The following HPSE2 variants were observed in gnomAD, a reference collection of about 807,000 sequenced individuals.
HPSE2 encodes inactive heparanase-2.
HPSE2 carries 38 observed loss-of-function variants against 60.5 expected under a neutral mutation model. The ratio of observed to expected loss-of-function variants is 0.63; its 90% CI spans 0.48 to 0.82. HPSE2 has a LOEUF of 0.82. Ranked by LOEUF, HPSE2 falls within the 40% of genes least tolerant of loss-of-function variation. The pLI is 0.00. For synonymous variants in HPSE2, 295 were observed against 293.2 expected (o/e 1.01, Z -0.06); for missense variants, 713 against 740.4 (o/e 0.96, Z 0.43).
chr10:98,660,754 C>T (rs182988310), intron 6 of HPSE2, among the ~76,000 whole-genome samples: 206 of 152,286 alleles, frequency 1.4e-3, no homozygotes, highest in Middle Eastern at 6.8e-3. Flanking sequence ...AACCAGGGAC[C>T]TTGCAACAAT....
At chr10:99,112,377 C>A (rs1016672030) in intron 3 of HPSE2, among the ~76,000 whole-genome samples, 1 of 152,024 alleles carries the variant, frequency 6.6e-6, no homozygotes, top group Non-Finnish European at 1.5e-5. Context: ...GTAGCTAGGA[C>A]TACAGGCGCC....
chr10:99,212,785 C>A (rs889743050), intron 2 of HPSE2, among the ~76,000 whole-genome samples: 1 of 152,076 alleles, frequency 6.6e-6, no homozygotes, highest in Non-Finnish European at 1.5e-5. Context: ...TAAGTATTCT[C>A]ACCACAGAAA....
rs1565085225 is a variant in HPSE2, at chr10:98,693,965, A to AAAAAAAGATAT, written c.957-19_957-18insATATCTTTTTT. 1 of 1,594,014 alleles carries AAAAAAAGATAT rather than the reference A, an allele frequency of 6.3e-7. No homozygotes were observed. The highest frequency in any genetic ancestry group is 1.7e-5 in the Admixed American group (1 of 59,946). Reference sequence around the variant, plus strand: ...TCATGAATCTGTAAGGAATAGAAAGAAAAAAGATATTACAACTTAGATTAA... The same window carrying AAAAAAAGATAT: ...TCATGAATCTGTAAGGAATAGAAAGAAAAAAAGATATAAAAAGATATTACAACTTAGATTAA... On this transcript the variant is annotated intron_variant, in intron 5 of 11. Coordinates refer to ENST00000370552, the MANE Select transcript of HPSE2 (RefSeq NM_021828.5).
intron 2 of HPSE2, among the ~76,000 whole-genome samples, chr10:99,169,965 A>C (rs1192565392): frequency 3.3e-5 from 5 of 152,214 alleles, no homozygotes; most frequent in Admixed American, 2.6e-4. Flanking sequence ...CTCTGATACC[A>C]AATACAAGAG....
At chr10:99,229,833 T>C (rs922476927) in intron 2 of HPSE2, among the ~76,000 whole-genome samples, 1 of 152,244 alleles carries the variant, frequency 6.6e-6, no homozygotes, top group African/African-American at 2.4e-5. Flanking sequence ...GACCATTTCC[T>C]AAGAAGGCTT....
chr10:98,851,184 T>C (rs1405036347), intron 3 of HPSE2, among the ~76,000 whole-genome samples: 2 of 152,310 alleles, frequency 1.3e-5, no homozygotes, highest in East Asian at 3.9e-4. Context: ...TAGCCATGTG[T>C]TCTGGACCTT....
intron 3 of HPSE2, among the ~76,000 whole-genome samples, chr10:98,926,602 C>T (rs1173236312): frequency 2.0e-5 from 3 of 152,120 alleles, no homozygotes; most frequent in African/African-American, 7.2e-5. Flanking sequence ...CCCTTCTAAT[C>T]ACTCTCTCTC....
At chr10:99,118,596 C>A (rs1653568805) in intron 3 of HPSE2, among the ~76,000 whole-genome samples, 2 of 150,738 alleles carry the variant, frequency 1.3e-5, no homozygotes, top group Admixed American at 1.3e-4. Flanking sequence ...GAATATCATA[C>A]TGAATGGGCA....
chr10:98,987,058 A>G (rs1031288888), intron 3 of HPSE2, among the ~76,000 whole-genome samples: 1 of 152,124 alleles, frequency 6.6e-6, no homozygotes, highest in East Asian at 1.9e-4. Context: ...GAATTCTACC[A>G]GAGGTACAAG....
chr10:99,187,270 G>A (rs1186994144), intron 2 of HPSE2, among the ~76,000 whole-genome samples: 1 of 152,028 alleles, frequency 6.6e-6, no homozygotes, highest in Admixed American at 6.6e-5. Flanking sequence ...AACAGCAAGA[G>A]GTAAGACAGA....
intron 9 of HPSE2, among the ~76,000 whole-genome samples, chr10:98,614,538 C>A (rs571512447): frequency 6.6e-6 from 1 of 152,086 alleles, no homozygotes; most frequent in Non-Finnish European, 1.5e-5. Context: ...GTGATCCACC[C>A]GCCTTGGCCT....
chr10:98,540,003 T>C (rs1267533619), intron 9 of HPSE2, among the ~76,000 whole-genome samples: 1 of 152,250 alleles, frequency 6.6e-6, no homozygotes, highest in Non-Finnish European at 1.5e-5. Flanking sequence ...GCCTGGTCAG[T>C]GACAGCAGTA....
chr10:99,136,312 C>G (rs1845650726), intron 3 of HPSE2, among the ~76,000 whole-genome samples: 1 of 152,084 alleles, frequency 6.6e-6, no homozygotes, highest in Non-Finnish European at 1.5e-5. Flanking sequence ...ACCAGAGGTA[C>G]AAAGAGGAAC....
chr10:99,055,842 T>C (rs752958180), intron 3 of HPSE2, among the ~76,000 whole-genome samples: 2 of 152,084 alleles, frequency 1.3e-5, no homozygotes, highest in African/African-American at 2.4e-5. Context: ...GAAGGGAACT[T>C]ACAGCTTTAA....
At chr10:98,567,529 G>A (rs956460018) in intron 9 of HPSE2, among the ~76,000 whole-genome samples, 1 of 152,122 alleles carries the variant, frequency 6.6e-6, no homozygotes, top group Non-Finnish European at 1.5e-5. Flanking sequence ...TCCTGTCACC[G>A]GGATTTCTAA....
At chr10:98,932,977 G>C (rs945835216) in intron 3 of HPSE2, among the ~76,000 whole-genome samples, 2 of 140,294 alleles carry the variant, frequency 1.4e-5, no homozygotes, top group Non-Finnish European at 3.1e-5. Context: ...TCTATCTCCC[G>C]AGTTTGGTTA....
intron 3 of HPSE2, among the ~76,000 whole-genome samples, chr10:98,925,710 T>G (rs1211969154): frequency 1.3e-5 from 2 of 152,168 alleles, no homozygotes; most frequent in African/African-American, 4.8e-5. Context: ...AGGACACAAA[T>G]TTTTTATGAC....
At chr10:99,049,222 C>G (rs957554750) in intron 3 of HPSE2, among the ~76,000 whole-genome samples, 3 of 152,082 alleles carry the variant, frequency 2.0e-5, no homozygotes, top group Non-Finnish European at 4.4e-5. Context: ...AAAAGAAATT[C>G]CCATATATTT....
chr10:99,285,475 G>GA, the HPSE2 span, among the ~76,000 whole-genome samples: 1 of 122,050 alleles, frequency 8.2e-6, no homozygotes, highest in Non-Finnish European at 1.7e-5. Context: ...AGGAAGGAAG[G>GA]AAGGGAGGGA....
Sources: allele counts gnomAD v4.1 joint callset (sites outside exome capture counted in the v4.1 genomes callset), GRCh38; gene constraint gnomAD v4.1.1; transcripts MANE v1.5; gene names NCBI Gene and HGNC (gene_info 2026-07-23, HGNC 2026-07-21).